GALNT13: variants seen among roughly 807,000 people sequenced by gnomAD.
GALNT13 encodes UDP-GalNAc:polypeptide N-acetylgalactosaminyltransferase 13.
Under a neutral mutation model 64.2 loss-of-function variants are expected in GALNT13, and 28 were observed. The observed-to-expected ratio is 0.44, with a 90% CI of 0.32 to 0.60. The LOEUF (loss-of-function observed/expected upper bound fraction) is 0.60. Among genes scored for constraint, GALNT13 ranks in the 20% least tolerant of loss-of-function variants. The pLI is 0.05. For missense variants in GALNT13, 577 were observed against 669.8 expected (o/e 0.86, Z 1.53); for synonymous variants, 214 against 224.6 (o/e 0.95, Z 0.42).
intron 1 of GALNT13, among the ~76,000 whole-genome samples, chr2:153,896,344 T>A (rs1452403043): frequency 6.6e-6 from 1 of 150,960 alleles, no homozygotes; most frequent in African/African-American, 2.4e-5. Flanking sequence ...TTTGTTCTCA[T>A]TCTCCTGTAT....
At chr2:153,077,665 C>T in the GALNT13 span, among the ~76,000 whole-genome samples, 1 of 151,520 alleles carries the variant, frequency 6.6e-6, no homozygotes, top group African/African-American at 2.4e-5. Flanking sequence ...TTAAGTTTTG[C>T]TTAGGTTTGG....
intron 3 of GALNT13, among the ~76,000 whole-genome samples, chr2:154,102,288 G>A (rs1702389342): frequency 6.6e-6 from 1 of 152,076 alleles, no homozygotes; most frequent in African/African-American, 2.4e-5. Flanking sequence ...CCGCCTGGCT[G>A]GAGGTCAACC....
chr2:154,358,072 G>T (rs1047579273), intron 9 of GALNT13, among the ~76,000 whole-genome samples: 1 of 151,802 alleles, frequency 6.6e-6, no homozygotes, highest in Non-Finnish European at 1.5e-5. Flanking sequence ...ATTTTTACAC[G>T]TTGCTTATGG....
At chr2:153,917,411 A>G (rs1689437633) in intron 2 of GALNT13, among the ~76,000 whole-genome samples, 1 of 152,094 alleles carries the variant, frequency 6.6e-6, no homozygotes, top group African/African-American at 2.4e-5. Flanking sequence ...TCTCTTCCCC[A>G]TCAATAACCT....
At chr2:153,331,345 A>G in the GALNT13 span, among the ~76,000 whole-genome samples, 39 of 151,922 alleles carry the variant, frequency 2.6e-4, no homozygotes, top group African/African-American at 9.4e-4. Flanking sequence ...CACCTAGTAG[A>G]ATTCACCTGT....
chr2:153,307,061 T>C, the GALNT13 span, among the ~76,000 whole-genome samples: 2 of 152,214 alleles, frequency 1.3e-5, no homozygotes, highest in African/African-American at 4.8e-5. Context: ...TAGAAAGTCA[T>C]AGAAAGGTAC....
chr2:154,024,195 G>T (rs1697760268), intron 3 of GALNT13, among the ~76,000 whole-genome samples: 1 of 152,106 alleles, frequency 6.6e-6, no homozygotes, highest in Admixed American at 6.6e-5. Context: ...TTCTCGAGGA[G>T]TATCTTTGTG....
the GALNT13 span, among the ~76,000 whole-genome samples, chr2:153,284,757 T>C: frequency 6.6e-6 from 1 of 152,086 alleles, no homozygotes; most frequent in African/African-American, 2.4e-5. Context: ...TTCTGGGACC[T>C]GTGGTGTCCT....
In GALNT13 at chr2:153,936,245, T is replaced by C. The variant is rs985804928; in HGVS notation, c.-104-8149T>C. On this transcript the variant is annotated intron_variant, in intron 2 of 12. Coordinates refer to ENST00000392825, the MANE Select transcript of GALNT13 (RefSeq NM_052917.4). ...AACTATTTGCATAACACTCACATTG[T>C]ATTAGGTGTTATGAATAATCTAGAA... Among the ~76,000 whole-genome samples the C allele has an allele frequency of 6.6e-5, 10 of 152,218 alleles. No individual in the cohort carries two copies. In the East Asian group the frequency reaches 1.7e-3, roughly 26 times the overall value.
chr2:153,288,717 T>C, the GALNT13 span, among the ~76,000 whole-genome samples: 1 of 152,236 alleles, frequency 6.6e-6, no homozygotes, highest in Admixed American at 6.5e-5. Context: ...TTAGTTATTG[T>C]TGTTCATCCT....
At chr2:153,165,379 C>T in the GALNT13 span, among the ~76,000 whole-genome samples, 14 of 152,200 alleles carry the variant, frequency 9.2e-5, no homozygotes, top group Admixed American at 8.5e-4. Context: ...GATTTTACTC[C>T]TTTACTCCTT....
chr2:154,045,351 C>G (rs904654620), intron 3 of GALNT13, among the ~76,000 whole-genome samples: 1 of 152,000 alleles, frequency 6.6e-6, no homozygotes, highest in African/African-American at 2.4e-5. Context: ...ATATAAGAGA[C>G]AAAGAATAAG....
chr2:154,154,536 G>C (rs1465501531), intron 4 of GALNT13, among the ~76,000 whole-genome samples: 1 of 152,156 alleles, frequency 6.6e-6, no homozygotes, highest in Non-Finnish European at 1.5e-5. Flanking sequence ...AGGTATTATA[G>C]ATAAGAGAAG....
At chr2:153,169,857 A>G in the GALNT13 span, among the ~76,000 whole-genome samples, 1 of 152,220 alleles carries the variant, frequency 6.6e-6, no homozygotes, top group Non-Finnish European at 1.5e-5. Context: ...ACATGTGTGG[A>G]AATGAAAATT....
chr2:153,146,944 C>A, the GALNT13 span, among the ~76,000 whole-genome samples: 4 of 151,956 alleles, frequency 2.6e-5, no homozygotes, highest in South Asian at 8.3e-4. Context: ...GATCAACTCT[C>A]CTTTCTTATT....
the GALNT13 span, among the ~76,000 whole-genome samples, chr2:153,436,060 G>A: frequency 6.6e-6 from 1 of 152,122 alleles, no homozygotes; most frequent in Non-Finnish European, 1.5e-5. Context: ...TTTGTCAAAG[G>A]CCTTTTCTGC....
chr2:154,273,247 C>T (rs1481874158), intron 8 of GALNT13, among the ~76,000 whole-genome samples: 2 of 151,916 alleles, frequency 1.3e-5, no homozygotes, highest in African/African-American at 4.8e-5. Context: ...TCAGAGAAAC[C>T]CTCCCAGGGG....
the GALNT13 span, among the ~76,000 whole-genome samples, chr2:153,467,681 C>G: frequency 8.1e-4 from 123 of 152,058 alleles, 2 homozygotes; most frequent in Admixed American, 7.0e-3. Flanking sequence ...CCATAAAATA[C>G]CAAATATGAT....
At chr2:153,395,777 A>G in the GALNT13 span, among the ~76,000 whole-genome samples, 1 of 152,152 alleles carries the variant, frequency 6.6e-6, no homozygotes, top group African/African-American at 2.4e-5. Context: ...CAAGGGATTA[A>G]CAAGATCATA....
Sources: gnomAD v4.1 joint callset for allele counts (sites outside exome capture counted in the v4.1 genomes callset) on GRCh38, gnomAD v4.1.1 for gene constraint, MANE v1.5 for transcripts, NCBI Gene and HGNC (gene_info 2026-07-23, HGNC 2026-07-21) for gene names.